The following DOCK3 variants were observed in gnomAD, a reference collection of about 807,000 sequenced individuals.
The protein encoded by DOCK3 is dedicator of cytokinesis protein 3.
A neutral mutation model predicts 265.6 loss-of-function variants in DOCK3; 60 were observed. The observed-to-expected ratio is 0.23, with a 90% CI of 0.18 to 0.28. The LOEUF (loss-of-function observed/expected upper bound fraction) is 0.28, where lower values mean the gene tolerates loss of function less well. Among genes scored for constraint, DOCK3 ranks in the 10% least tolerant of loss-of-function variants. The pLI, the probability that DOCK3 is intolerant of heterozygous loss-of-function variation, is 1.00. For missense variants in DOCK3, 1,981 were observed against 2,594.3 expected, an observed-to-expected ratio of 0.76 and a Z score of 5.14; for synonymous variants, 881 against 938.0, an observed-to-expected ratio of 0.94 and a Z score of 1.11.
chr3:50,938,034 G>T (rs2051489559), intron 5 of DOCK3, among the ~76,000 whole-genome samples: 1 of 151,896 alleles, frequency 6.6e-6, no homozygotes, highest in South Asian at 2.1e-4. Context: ...GTTACAGATA[G>T]AAAAATATAT....
At chr3:51,312,608 C>T (rs755779231) in intron 30 of DOCK3, 32 bp downstream of exon 30, 26 of 1,534,376 alleles carry the variant, frequency 1.7e-5, no homozygotes, top group Non-Finnish European at 2.0e-5. Flanking sequence ...CATCTCCTTA[C>T]CACTTGGCCA....
At chr3:51,223,819 G>C (rs186825643) in intron 14 of DOCK3, among the ~76,000 whole-genome samples, 1 of 152,290 alleles carries the variant, frequency 6.6e-6, no homozygotes, top group East Asian at 1.9e-4. Flanking sequence ...TTTCAGGACT[G>C]ACTTTATTCA....
chr3:51,338,983 A>G lies in DOCK3; in HGVS notation c.3721A>G (p.Ile1241Val), dbSNP rs1197535600. The change falls in exon 37 of 53, where the codon ATC (isoleucine) becomes GTC (valine). Residue 1241 changes from isoleucine to valine, a missense_variant. Around this residue, in one of 4 missense-constraint regions of DOCK3, gnomAD observed 1,357 missense variants for 1,866.8 expected, o/e 0.73. Transcript: ENST00000266037. Reference protein sequence around the residue: ...INKEEMYIRYIHKLCDMHLQA... With the variant: ...INKEEMYIRYVHKLCDMHLQA... ...CAAGGAAGAAATGTATATCCGCTAC[A>G]TCCATAAGCTTTGTGACATGCACTT... The G allele has an allele frequency of 6.2e-7, 1 of 1,610,856 alleles. No homozygotes were observed. The highest frequency in any genetic ancestry group is 1.7e-5 in the Admixed American group (1 of 59,668).
intron 9 of DOCK3, among the ~76,000 whole-genome samples, chr3:51,141,023 C>G (rs78129138): frequency 6.6e-6 from 1 of 151,808 alleles, no homozygotes; most frequent in Non-Finnish European, 1.5e-5. Flanking sequence ...TATTTTTGCC[C>G]ATTCTGTGGC....
At chr3:50,999,924 C>T (rs776274003) in intron 5 of DOCK3, among the ~76,000 whole-genome samples, 2 of 152,094 alleles carry the variant, frequency 1.3e-5, no homozygotes, top group Non-Finnish European at 2.9e-5. Context: ...AACAGTAAAA[C>T]GACACCCAAG....
chr3:51,271,125 A>T (rs1320173810), intron 24 of DOCK3, 118 bp downstream of exon 24: 8 of 1,195,788 alleles, frequency 6.7e-6, no homozygotes, highest in Non-Finnish European at 8.2e-6. Flanking sequence ...GCAAGAAACC[A>T]GTAACCCTTA....
At chr3:50,766,992 G>A (rs1295935399) in intron 1 of DOCK3, among the ~76,000 whole-genome samples, 4 of 151,972 alleles carry the variant, frequency 2.6e-5, no homozygotes. Flanking sequence ...AAATTTGTTT[G>A]AGTTCTTTGT....
chr3:50,731,689 C>T (rs1346410966), intron 1 of DOCK3, among the ~76,000 whole-genome samples: 1 of 152,072 alleles, frequency 6.6e-6, no homozygotes, highest in Non-Finnish European at 1.5e-5. Flanking sequence ...AAAAGAGTCC[C>T]ATCATCCAAG....
intron 1 of DOCK3, among the ~76,000 whole-genome samples, chr3:50,766,340 T>G (rs1279081041): frequency 1.4e-5 from 2 of 147,800 alleles, no homozygotes; most frequent in East Asian, 4.1e-4. Context: ...TTCTCATTGT[T>G]CAATACCCAC....
chr3:50,940,023 T>TG (rs1381027047), intron 5 of DOCK3, among the ~76,000 whole-genome samples: 1 of 138,764 alleles, frequency 7.2e-6, no homozygotes, highest in East Asian at 2.1e-4. Context: ...ATAAACAAGT[T>TG]TGTGGTTGCA....
In DOCK3 at chr3:50,854,591, A is replaced by ATTTTTTTTTTTTTTTTTTTTT; in HGVS notation, c.162+12876_162+12877insTTTTTTTTTTTTTTTTTTTTT. Among the ~76,000 whole-genome samples, 24 of 4,318 alleles carry ATTTTTTTTTTTTTTTTTTTTT rather than the reference A, an allele frequency of 5.6e-3. 2 individuals are homozygous for ATTTTTTTTTTTTTTTTTTTTT. The highest frequency in any genetic ancestry group is 9.4e-3 in the African/African-American group (22 of 2,346). 2.8% of individuals were successfully genotyped at this position (4,318 alleles called of 152,430 possible). A position where few individuals can be genotyped will look rare whatever the true frequency, so the allele number is the denominator to read the frequency against. ...AGCTACAGATGAGCACCATCACACC[A>ATTTTTTTTTTTTTTTTTTTTT]GTTTTTTTTTTTTTTTTTTGGTGGT... On this transcript the variant is annotated intron_variant, in intron 3 of 52. Transcript: ENST00000266037.
chr3:50,905,119 A>G (rs2049413599), intron 4 of DOCK3, among the ~76,000 whole-genome samples: 1 of 151,982 alleles, frequency 6.6e-6, no homozygotes. Flanking sequence ...CCATTGGTCT[A>G]TATCTCTGTT....
intron 1 of DOCK3, among the ~76,000 whole-genome samples, chr3:50,729,824 ATTTTTTTTTTTT>A (rs60842906): frequency 9.2e-6 from 1 of 109,058 alleles, no homozygotes; most frequent in Admixed American, 9.7e-5. Context: ...TCTGAATTTC[ATTTTTTTTTTTT>A]TTTTTTTTTT....
chr3:50,768,833 C>T (rs886519012), intron 1 of DOCK3, among the ~76,000 whole-genome samples: 1 of 152,110 alleles, frequency 6.6e-6, no homozygotes, highest in Non-Finnish European at 1.5e-5. Context: ...ACCTCCATCC[C>T]GTTGTCCTGA....
intron 3 of DOCK3, among the ~76,000 whole-genome samples, chr3:50,869,852 C>A (rs2107575153): frequency 6.6e-6 from 1 of 152,196 alleles, no homozygotes; most frequent in Middle Eastern, 3.4e-3. Context: ...AGAAATTTGT[C>A]ATTTTTTAAA....
At position 51,130,148 on chromosome 3, in the gene DOCK3, C is replaced by A. The variant is rs555480821; in HGVS notation, c.747-16401C>A. ...CCCTGAATTTTGTCAGATTTATTTCCCATCCTCTGGCACACAAATGTCTCA... is the reference window on the plus strand; with the variant it reads ...CCCTGAATTTTGTCAGATTTATTTCACATCCTCTGGCACACAAATGTCTCA... On this transcript the variant is annotated intron_variant, in intron 9 of 52. Coordinates refer to ENST00000266037, the MANE Select transcript of DOCK3 (RefSeq NM_004947.5). 3.9e-5 allele frequency among the ~76,000 whole-genome samples: 6 copies of A among 152,290 alleles called. No individual in the cohort carries two copies. The East Asian group carries it at 1.2e-3, about 29-fold the overall frequency.
chr3:50,757,118 G>A (rs2040204442), intron 1 of DOCK3, among the ~76,000 whole-genome samples: 1 of 142,800 alleles, frequency 7.0e-6, no homozygotes, highest in Non-Finnish European at 1.5e-5. Context: ...TTCACAAAGT[G>A]TTGGAATTAC....
At chr3:51,201,062 G>A (rs2088724337) in intron 12 of DOCK3, among the ~76,000 whole-genome samples, 1 of 151,936 alleles carries the variant, frequency 6.6e-6, no homozygotes, top group Non-Finnish European at 1.5e-5. Flanking sequence ...ACCAGCCGCT[G>A]CAAAATCATG....
intron 1 of DOCK3, among the ~76,000 whole-genome samples, chr3:50,717,771 C>A (rs770689654): frequency 6.6e-6 from 1 of 151,946 alleles, no homozygotes; most frequent in Non-Finnish European, 1.5e-5. Context: ...TACAGGCATG[C>A]GCCACCATGC....
Sources: gnomAD v4.1 joint callset for allele counts (sites outside exome capture counted in the v4.1 genomes callset) on GRCh38, gnomAD v4.1.1 for gene constraint, gnomAD v4.1.1 regional missense constraint, MANE v1.5 for transcripts, NCBI Gene and HGNC (gene_info 2026-07-23, HGNC 2026-07-21) for gene names.